GABRB1: variants seen among roughly 807,000 people sequenced by gnomAD.
GABRB1 encodes the protein gamma-aminobutyric acid receptor subunit beta-1.
Under a neutral mutation model 51.6 loss-of-function variants are expected in GABRB1, and 17 were observed. The observed-to-expected ratio is 0.33, with a 90% CI of 0.23 to 0.49. The LOEUF (loss-of-function observed/expected upper bound fraction) is 0.49. Among genes scored for constraint, GABRB1 ranks in the 20% least tolerant of loss-of-function variants. The probability of loss-of-function intolerance (pLI) is 0.99; values close to 1 mark genes in which losing one functional copy is unlikely to be tolerated. For synonymous variants in GABRB1, 247 were observed against 218.9 expected, an observed-to-expected ratio of 1.13 and a Z score of -1.14; for missense variants, 410 against 600.6, an observed-to-expected ratio of 0.68 and a Z score of 3.32.
intron 8 of GABRB1, among the ~76,000 whole-genome samples, chr4:47,423,943 TAAC>T (rs757859613): frequency 2.0e-5 from 3 of 152,116 alleles, no homozygotes; most frequent in Non-Finnish European, 2.9e-5. Context: ...TTGTAGTTAT[TAAC>T]AACAACAACA....
chr4:47,250,023 C>T (rs1030292191), intron 4 of GABRB1, among the ~76,000 whole-genome samples: 11 of 152,018 alleles, frequency 7.2e-5, no homozygotes, highest in African/African-American at 2.2e-4. Context: ...TGATTTTTAA[C>T]TTGTATTTTT....
rs140340623 is a variant in GABRB1, at chr4:47,080,524, G to A, written c.240+48040G>A. On this transcript the variant is annotated intron_variant, in intron 3 of 8. Transcript: ENST00000295454. ...GACAAATGAACACATTAGCATGGTCGTCCATGTAATCTGTCCTAAGTAACT... is the reference window on the plus strand; with the variant it reads ...GACAAATGAACACATTAGCATGGTCATCCATGTAATCTGTCCTAAGTAACT... Among the ~76,000 whole-genome samples, 1,293 of 152,222 alleles carry A rather than the reference G, an allele frequency of 8.5e-3. 44 individuals are homozygous for A. Among genetic ancestry groups the A allele is most frequent in the Admixed American group, 0.052 (798 of 15,290 alleles).
At chr4:47,163,167 TTATCAGTTGTATAGTA>T (rs1252200681) in intron 4 of GABRB1, among the ~76,000 whole-genome samples, 6 of 152,168 alleles carry the variant, frequency 3.9e-5, no homozygotes, top group East Asian at 3.9e-4. Context: ...AGACTTAGTT[TTATCAGTTGTATAGTA>T]TATCAGTTGT....
Position 47,214,418 on chromosome 4 carries a change from C to G in GABRB1, c.461+52949C>G, listed in dbSNP as rs572982272. On this transcript the variant is annotated intron_variant, in intron 4 of 8. Coordinates refer to ENST00000295454, the MANE Select transcript of GABRB1 (RefSeq NM_000812.4). ...TTGGAAATATTTCCCTACTTACATG[C>G]AAATTACAGTTGTGGTGTTCTCTGT... Among the ~76,000 whole-genome samples, 75 of 152,230 alleles carry G rather than the reference C, an allele frequency of 4.9e-4. 1 individual carries two copies. Among genetic ancestry groups the G allele is most frequent in the African/African-American group, 1.7e-3 (70 of 41,560 alleles).
At chr4:47,211,323 T>C (rs1720348202) in intron 4 of GABRB1, among the ~76,000 whole-genome samples, 1 of 152,166 alleles carries the variant, frequency 6.6e-6, no homozygotes, top group Non-Finnish European at 1.5e-5. Context: ...TCTTTACAAC[T>C]TAAGAAAAGT....
intron 3 of GABRB1, among the ~76,000 whole-genome samples, chr4:47,129,040 A>G (rs1013083075): frequency 6.6e-6 from 1 of 152,256 alleles, no homozygotes; most frequent in Middle Eastern, 3.4e-3. Flanking sequence ...TATCACATAT[A>G]CATACATGAT....
chr4:47,388,718 C>T (rs1246435389), intron 5 of GABRB1, among the ~76,000 whole-genome samples: 1 of 152,078 alleles, frequency 6.6e-6, no homozygotes, highest in Non-Finnish European at 1.5e-5. Context: ...TTTAGGGCTG[C>T]ATACTTCATG....
At chr4:47,150,860 T>C (rs1267246316) in intron 3 of GABRB1, among the ~76,000 whole-genome samples, 2 of 151,980 alleles carry the variant, frequency 1.3e-5, no homozygotes, top group Non-Finnish European at 2.9e-5. Context: ...GATCTTATTG[T>C]TTTTTAAGTA....
At chr4:47,310,756 A>C (rs754890989) in intron 4 of GABRB1, among the ~76,000 whole-genome samples, 10 of 152,178 alleles carry the variant, frequency 6.6e-5, no homozygotes, top group South Asian at 2.1e-4. Context: ...ATAATAAATA[A>C]TGCACGTGTG....
At chr4:47,327,488 AT>A (rs903123121) in intron 5 of GABRB1, among the ~76,000 whole-genome samples, 1 of 152,140 alleles carries the variant, frequency 6.6e-6, no homozygotes, top group Non-Finnish European at 1.5e-5. Flanking sequence ...GAAACTATGA[AT>A]TTTTTTGTTG....
chr4:47,075,700 T>A (rs1420380523), intron 3 of GABRB1, among the ~76,000 whole-genome samples: 1 of 152,200 alleles, frequency 6.6e-6, no homozygotes, highest in African/African-American at 2.4e-5. Context: ...GCCACACCAG[T>A]ATGGAATCAT....
At chr4:47,135,111 TTCTG>T in intron 3 of GABRB1, among the ~76,000 whole-genome samples, 1 of 152,180 alleles carries the variant, frequency 6.6e-6, no homozygotes, top group East Asian at 1.9e-4. Context: ...CAGAGCAAGA[TTCTG>T]TCTCAGAAAA....
chr4:47,277,091 T>G (rs1185645801), intron 4 of GABRB1, among the ~76,000 whole-genome samples: 1 of 152,128 alleles, frequency 6.6e-6, no homozygotes, highest in African/African-American at 2.4e-5. Flanking sequence ...CCATAATTAA[T>G]GTAGGCAACA....
At chr4:47,031,537 A>G, upstream of GABRB1, 2 of 800,916 alleles carry the variant, frequency 2.5e-6, no homozygotes, top group Non-Finnish European at 4.3e-6. Context: ...GTCTTTTGGT[A>G]GTGAGCGCGC....
At chr4:47,090,088 GT>G (rs767239094) in intron 3 of GABRB1, among the ~76,000 whole-genome samples, 13 of 152,058 alleles carry the variant, frequency 8.5e-5, no homozygotes, top group Non-Finnish European at 1.8e-4. Context: ...CTTATCAGAC[GT>G]TTTTGTTGAA....
intron 5 of GABRB1, among the ~76,000 whole-genome samples, chr4:47,330,475 A>T (rs893290238): frequency 6.6e-6 from 1 of 152,208 alleles, no homozygotes; most frequent in African/African-American, 2.4e-5. Flanking sequence ...CAACAAGTAG[A>T]CAATAGTCAG....
chr4:47,081,640 T>A (rs1727847410), intron 3 of GABRB1, among the ~76,000 whole-genome samples: 1 of 152,172 alleles, frequency 6.6e-6, no homozygotes, highest in South Asian at 2.1e-4. Flanking sequence ...TTGGTTCATC[T>A]TAATGTGCCC....
At chr4:47,001,292 C>G (rs6447521) in intron 1 of GABRB1, among the ~76,000 whole-genome samples, 130,978 of 151,424 alleles carry the variant, frequency 0.86, 57,194 homozygotes, top group Middle Eastern at 0.95. Context: ...ACAGGCGCCC[C>G]CCACCACGCC....
At chr4:47,291,389 C>A (rs1723724207) in intron 4 of GABRB1, among the ~76,000 whole-genome samples, 5 of 152,204 alleles carry the variant, frequency 3.3e-5, no homozygotes, top group Admixed American at 3.3e-4. Context: ...TCATGGAGAA[C>A]CTCTGCTAGG....
Sources: allele counts gnomAD v4.1 joint callset (sites outside exome capture counted in the v4.1 genomes callset), GRCh38; gene constraint gnomAD v4.1.1; transcripts MANE v1.5; gene names NCBI Gene and HGNC (gene_info 2026-07-23, HGNC 2026-07-21).